The following PIK3C2A variants were observed in gnomAD, a reference collection of about 807,000 sequenced individuals.
The protein encoded by PIK3C2A is phosphatidylinositol-4-phosphate 3-kinase catalytic subunit type 2 alpha, also known as phosphatidylinositol 4-phosphate 3-kinase C2 domain-containing subunit alpha.
A neutral mutation model predicts 204.5 loss-of-function variants in PIK3C2A; 97 were observed. That is an observed-to-expected ratio of 0.47 (90% CI 0.40 to 0.56). The LOEUF is 0.56. Ranked by LOEUF, PIK3C2A falls within the 20% of genes least tolerant of loss-of-function variation. The probability of loss-of-function intolerance (pLI) is 0.00; values close to 1 mark genes in which losing one functional copy is unlikely to be tolerated. For missense variants in PIK3C2A, 1,735 were observed against 1,969.2 expected, an observed-to-expected ratio of 0.88 and a Z score of 2.25; for synonymous variants, 653 against 664.4, an observed-to-expected ratio of 0.98 and a Z score of 0.26.
At chr11:17,177,785 G>A (rs906009042) in intron 1 of PIK3C2A, among the ~76,000 whole-genome samples, 3 of 152,024 alleles carry the variant, frequency 2.0e-5, no homozygotes, top group South Asian at 2.1e-4. Context: ...CGGTTACAGC[G>A]ACGCTGTCCA....
intron 8 of PIK3C2A, among the ~76,000 whole-genome samples, chr11:17,144,998 C>G (rs1360487360): frequency 6.7e-6 from 1 of 149,604 alleles, no homozygotes; most frequent in African/African-American, 2.4e-5. Context: ...TTTGGCCAAT[C>G]TCTCCCATTT....
intron 1 of PIK3C2A, among the ~76,000 whole-genome samples, chr11:17,179,510 T>A (rs913938822): frequency 1.9e-4 from 29 of 152,150 alleles, no homozygotes; most frequent in African/African-American, 6.8e-4. Context: ...TTTTTAATTT[T>A]TAAAGTACAT....
intron 14 of PIK3C2A, 30 bp from the exon 15 acceptor site, chr11:17,122,363 TAC>T: frequency 7.1e-7 from 1 of 1,417,000 alleles, no homozygotes; most frequent in Non-Finnish European, 9.9e-7. Context: ...TTGATCAAAT[TAC>T]AGTCTACGTA....
rs771017130 is a variant in PIK3C2A, at chr11:17,097,015, A to G, written c.4326+42T>C. 4.4e-6 allele frequency: 5 copies of G among 1,141,560 alleles called. No individual in the cohort carries two copies. The Admixed American group carries it at 5.2e-5, about 12-fold the overall frequency. The allele number at this position is 1,141,560 out of a possible 1,614,324, so 70.7% of individuals were successfully genotyped here. A position where few individuals can be genotyped will look rare whatever the true frequency, so the allele number is the denominator to read the frequency against. On this transcript the variant is annotated intron_variant, in intron 27 of 32. Coordinates refer to ENST00000691414, the MANE Select transcript of PIK3C2A (RefSeq NM_002645.4). ...CAAAGGAAGTAGAAAGGACAACAATAATACATGCATGATTGTTTATGAATA... is the reference window on the plus strand; with the variant it reads ...CAAAGGAAGTAGAAAGGACAACAATGATACATGCATGATTGTTTATGAATA...
chr11:17,163,946 C>A (rs1850866077), intron 2 of PIK3C2A, among the ~76,000 whole-genome samples: 1 of 150,522 alleles, frequency 6.6e-6, no homozygotes, highest in African/African-American at 2.4e-5. Flanking sequence ...TTCCACATGG[C>A]AACTTCCCAA....
chr11:17,114,582 G>A, intron 19 of PIK3C2A, 117 bp from the exon 20 acceptor site: 1 of 558,226 alleles, frequency 1.8e-6, no homozygotes, highest in East Asian at 2.7e-5. Flanking sequence ...GTGAAAAAAA[G>A]GTTGTTACTA....
chr11:17,204,485 C>T (rs930280284), intron 1 of PIK3C2A: 6 of 152,216 alleles, frequency 3.9e-5, no homozygotes, highest in African/African-American at 1.4e-4. Flanking sequence ...CCATCCTGCC[C>T]TTATGAATAG....
chr11:17,096,115 T>C (rs1181949522), intron 27 of PIK3C2A, among the ~76,000 whole-genome samples: 1 of 151,942 alleles, frequency 6.6e-6, no homozygotes, highest in Non-Finnish European at 1.5e-5. Context: ...ATTGGCTTAC[T>C]GCAACCTCTG....
chr11:17,201,525 C>CAAAAAAAA (rs869055451), intron 1 of PIK3C2A, among the ~76,000 whole-genome samples: 6 of 28,910 alleles, frequency 2.1e-4, no homozygotes, highest in Non-Finnish European at 3.5e-4. Context: ...GACTCCGTCT[C>CAAAAAAAA]AAAAAAAAAA....
At chr11:17,125,078 C>T (rs1849480855) in intron 13 of PIK3C2A, among the ~76,000 whole-genome samples, 1 of 152,146 alleles carries the variant, frequency 6.6e-6, no homozygotes, top group South Asian at 2.1e-4. Context: ...TACTATTGAT[C>T]AGTTTAGTTC....
At chr11:17,138,316 G>T in intron 8 of PIK3C2A, 2 of 493,872 alleles carry the variant, frequency 4.0e-6, no homozygotes. Context: ...ACGAAAAACA[G>T]CCAGCTTCCT....
At position 17,089,609 on chromosome 11, in the gene PIK3C2A, T is replaced by G. The variant is rs1848238249; in HGVS notation, c.*129A>C. ...AATGCAGCAAGTATATTTAACTTTA[T>G]AAGTTCTGTCCAAGTATAAAAATAC... On this transcript the variant is annotated 3_prime_UTR_variant, in exon 33 of 33. Coordinates refer to ENST00000691414, the MANE Select transcript of PIK3C2A (RefSeq NM_002645.4). 8.4e-6 allele frequency: 5 copies of G among 596,474 alleles called. No homozygotes were observed. The highest frequency in any genetic ancestry group is 1.4e-5 in the Non-Finnish European group (5 of 345,698). The allele number at this position is 596,474 out of a possible 1,614,324, so 36.9% of individuals were successfully genotyped here. A position where few individuals can be genotyped will look rare whatever the true frequency, so the allele number is the denominator to read the frequency against.
intron 1 of PIK3C2A, among the ~76,000 whole-genome samples, chr11:17,198,241 C>G (rs1040615944): frequency 4.0e-5 from 6 of 151,892 alleles, no homozygotes; most frequent in Non-Finnish European, 1.5e-5. Context: ...TCCCAAGTAG[C>G]CAGGATTACA....
intron 1 of PIK3C2A, among the ~76,000 whole-genome samples, chr11:17,176,139 G>C (rs1851330296): frequency 6.6e-6 from 1 of 151,554 alleles, no homozygotes; most frequent in Non-Finnish European, 1.5e-5. Context: ...GAGTAGCTAG[G>C]ATTACAGGTG....
At position 17,207,921 on chromosome 11, in the gene PIK3C2A, C is replaced by A. The variant is rs905471018; in HGVS notation, c.-139G>T. Reference sequence around the variant, plus strand: ...CCGCCACAGTCCGAGCCATTTTTCCCCTCAGCTGGCTCAGCCGCCGCCGAA... The same window carrying A: ...CCGCCACAGTCCGAGCCATTTTTCCACTCAGCTGGCTCAGCCGCCGCCGAA... On this transcript the variant is annotated 5_prime_UTR_variant, in exon 1 of 33. Coordinates refer to ENST00000691414, the MANE Select transcript of PIK3C2A (RefSeq NM_002645.4). 6.6e-6 allele frequency: 1 copy of A among 152,532 alleles called. No individual in the cohort carries two copies. The highest frequency in any genetic ancestry group is 2.4e-5 in the African/African-American group (1 of 41,472). The allele number at this position is 152,532 out of a possible 1,614,324, so 9.4% of individuals were successfully genotyped here.
chr11:17,116,652 C>T (rs1027335703), intron 19 of PIK3C2A, among the ~76,000 whole-genome samples: 21 of 151,658 alleles, frequency 1.4e-4, no homozygotes, highest in African/African-American at 3.9e-4. Flanking sequence ...TATAGTGGCT[C>T]GATCTCGGTT....
chr11:17,140,783 T>C (rs567047070), intron 8 of PIK3C2A, among the ~76,000 whole-genome samples: 1 of 152,322 alleles, frequency 6.6e-6, no homozygotes, highest in African/African-American at 2.4e-5. Context: ...TGTGTGCATA[T>C]AATGGGTACA....
intron 2 of PIK3C2A, among the ~76,000 whole-genome samples, chr11:17,165,631 C>G (rs12804000): frequency 3.3e-5 from 5 of 151,422 alleles, no homozygotes; most frequent in Non-Finnish European, 7.4e-5. Context: ...CAAAATTAGC[C>G]GGTCGTGGTG....
intron 1 of PIK3C2A, among the ~76,000 whole-genome samples, chr11:17,178,092 C>CAAAAAAA (rs750346823): frequency 1.6e-5 from 1 of 64,104 alleles, no homozygotes; most frequent in Non-Finnish European, 2.6e-5. Flanking sequence ...GACTCCATCT[C>CAAAAAAA]AAAAAAAAAA....
Sources: allele counts gnomAD v4.1 joint callset (sites outside exome capture counted in the v4.1 genomes callset), GRCh38; gene constraint gnomAD v4.1.1; transcripts MANE v1.5; gene names NCBI Gene and HGNC (gene_info 2026-07-23, HGNC 2026-07-21).